Variants in ZNF423 observed in about 807,000 individuals in gnomAD.
ZNF423 encodes Ebf-associated zinc finger protein.
Under a neutral mutation model 95.8 loss-of-function variants are expected in ZNF423, and 12 were observed. That is an observed-to-expected ratio of 0.13 (90% CI 0.08 to 0.20). The LOEUF (loss-of-function observed/expected upper bound fraction) is 0.20. Among genes scored for constraint, ZNF423 ranks in the 10% least tolerant of loss-of-function variants. The pLI is 1.00. For synonymous variants in ZNF423, 749 were observed against 711.9 expected (o/e 1.05, Z -0.83); for missense variants, 1,316 against 1,737.1 (o/e 0.76, Z 4.31).
chr16:49,759,983 G>A (rs538961564), intron 2 of ZNF423, among the ~76,000 whole-genome samples: 1 of 122,848 alleles, frequency 8.1e-6, no homozygotes, highest in East Asian at 2.8e-4. Context: ...CCTAGTGTTT[G>A]CTTAGTGAAT....
At chr16:49,538,204 G>A (rs543969891) in intron 5 of ZNF423, among the ~76,000 whole-genome samples, 1 of 152,250 alleles carries the variant, frequency 6.6e-6, no homozygotes, top group East Asian at 1.9e-4. Flanking sequence ...TGGGGGTGGA[G>A]GCCACCTCCA....
At chr16:49,719,071 G>T (rs2032790999) in intron 3 of ZNF423, among the ~76,000 whole-genome samples, 1 of 152,202 alleles carries the variant, frequency 6.6e-6, no homozygotes, top group Non-Finnish European at 1.5e-5. Flanking sequence ...TAGTAACCGA[G>T]ATTGATTACT....
At chr16:49,764,368 T>C (rs12445183) in intron 2 of ZNF423, 24,671 of 153,594 alleles carry the variant, frequency 0.16, 2,070 homozygotes, top group South Asian at 0.26. Flanking sequence ...AGACACACAA[T>C]GGACTATGAT....
At chr16:49,835,800 G>A (rs1182829513) in intron 1 of ZNF423, among the ~76,000 whole-genome samples, 1 of 152,204 alleles carries the variant, frequency 6.6e-6, no homozygotes, top group Admixed American at 6.5e-5. Context: ...GGGAGGGGAA[G>A]AGGAGCTGCT....
chr16:49,651,208 TAG>T (rs1973388288), intron 3 of ZNF423, among the ~76,000 whole-genome samples: 1 of 144,654 alleles, frequency 6.9e-6, no homozygotes, highest in Non-Finnish European at 1.5e-5. Flanking sequence ...TTTTTTTTTG[TAG>T]AGACAGGGTC....
chr16:49,525,750 A>G (rs912209229), intron 5 of ZNF423, among the ~76,000 whole-genome samples: 1 of 152,176 alleles, frequency 6.6e-6, no homozygotes, highest in African/African-American at 2.4e-5. Flanking sequence ...CTGCTGATCA[A>G]GCAGCCAGGT....
chr16:49,828,613 G>A (rs1218588209), intron 1 of ZNF423, among the ~76,000 whole-genome samples: 2 of 152,344 alleles, frequency 1.3e-5, no homozygotes, highest in East Asian at 3.9e-4. Context: ...ACCAAACCCT[G>A]TTGGGGAACC....
At chr16:49,656,532 C>T (rs1341973915) in intron 3 of ZNF423, among the ~76,000 whole-genome samples, 3 of 151,772 alleles carry the variant, frequency 2.0e-5, no homozygotes, top group Non-Finnish European at 4.4e-5. Flanking sequence ...AAAAAAAAGG[C>T]AAGTGGGTAA....
At chr16:49,728,414 C>G (rs971059468) in intron 3 of ZNF423, among the ~76,000 whole-genome samples, 2 of 152,162 alleles carry the variant, frequency 1.3e-5, no homozygotes, top group African/African-American at 4.8e-5. Flanking sequence ...TTCCAATGCT[C>G]CAGGATTTGG....
At position 49,855,126 on chromosome 16, in the gene ZNF423, G is replaced by A. The variant is rs1234342855; in HGVS notation, c.40+609C>T. The A allele has an allele frequency of 4.8e-5, 41 of 853,232 alleles. No individual in the cohort carries two copies. The highest frequency in any genetic ancestry group is 5.1e-5 in the Non-Finnish European group (36 of 710,512). The allele number at this position is 853,232 out of a possible 1,614,324, so 52.9% of individuals were successfully genotyped here. ...GTGCAGGGGCCCGGGCCGGGAGAAG[G>A]CCTGGGCAGGGGCGGGAGGGGGCGC... On this transcript the variant is annotated intron_variant, in intron 1 of 7. Transcript: ENST00000563137. The surrounding 1 kb of genome is among the most constrained non-coding windows in gnomAD (Gnocchi z 4.7).
intron 2 of ZNF423, among the ~76,000 whole-genome samples, chr16:49,787,079 C>T (rs1404829332): frequency 2.0e-5 from 3 of 152,134 alleles, no homozygotes; most frequent in African/African-American, 7.2e-5. Flanking sequence ...GTAGAGTCTT[C>T]ACTCAGTGCC....
At chr16:49,717,779 C>A (rs1455678527) in intron 3 of ZNF423, among the ~76,000 whole-genome samples, 2 of 152,178 alleles carry the variant, frequency 1.3e-5, no homozygotes, top group East Asian at 3.9e-4. Flanking sequence ...CTCTCCTTCT[C>A]TGTCCTCCCT....
chr16:49,830,569 G>A (rs774507673), intron 1 of ZNF423, among the ~76,000 whole-genome samples: 3 of 152,172 alleles, frequency 2.0e-5, no homozygotes, highest in African/African-American at 2.4e-5. Context: ...TACAAGGGAG[G>A]GAACATGGGG....
intron 3 of ZNF423, among the ~76,000 whole-genome samples, chr16:49,652,493 C>T (rs1478830115): frequency 6.6e-6 from 1 of 152,222 alleles, no homozygotes; most frequent in Non-Finnish European, 1.5e-5. Context: ...CCCAGGGGCA[C>T]GAGGAGCTCA....
upstream of ZNF423, among the ~76,000 whole-genome samples, chr16:49,858,808 G>A (rs951739581): frequency 1.4e-3 from 220 of 152,186 alleles, 1 homozygote; most frequent in Non-Finnish European, 3.4e-4. The surrounding 1 kb of genome is among the most constrained non-coding windows in gnomAD (Gnocchi z 4.3). Context: ...GGGGCCGCGA[G>A]GCGCCTGGGA....
chr16:49,545,595 A>G (rs1394822170), intron 5 of ZNF423, among the ~76,000 whole-genome samples: 2 of 152,220 alleles, frequency 1.3e-5, no homozygotes, highest in Non-Finnish European at 2.9e-5. Context: ...GTGGTAGCTC[A>G]TGCTGAAACA....
At chr16:49,589,612 G>A (rs1970944155) in intron 5 of ZNF423, among the ~76,000 whole-genome samples, 1 of 152,136 alleles carries the variant, frequency 6.6e-6, no homozygotes, top group Non-Finnish European at 1.5e-5. Context: ...GGGAGAAGGG[G>A]AGGGGAATTC....
chr16:49,672,602 A>C (rs1197201891), intron 3 of ZNF423, among the ~76,000 whole-genome samples: 1 of 152,194 alleles, frequency 6.6e-6, no homozygotes, highest in African/African-American at 2.4e-5. Flanking sequence ...GGATCACCTG[A>C]GGTCAGGAGT....
chr16:49,671,759 T>TTAGC, intron 3 of ZNF423, among the ~76,000 whole-genome samples: 1 of 152,242 alleles, frequency 6.6e-6, no homozygotes, highest in South Asian at 2.1e-4. Flanking sequence ...TCTCGGCTCA[T>TTAGC]TAGCAACCTC....
Sources: gnomAD v4.1 joint callset for allele counts (sites outside exome capture counted in the v4.1 genomes callset) on GRCh38, gnomAD v4.1.1 for gene constraint, Gnocchi (gnomAD v3.1) non-coding constraint, MANE v1.5 for transcripts, NCBI Gene and HGNC (gene_info 2026-07-23, HGNC 2026-07-21) for gene names.